The following PNPLA1 variants were observed in gnomAD, a reference collection of about 807,000 sequenced individuals.
The protein encoded by PNPLA1 is omega-hydroxyceramide transacylase.
In PNPLA1, 36 loss-of-function variants were observed where a neutral mutation model predicts 51.7. That is an observed-to-expected ratio of 0.70 (90% CI 0.53 to 0.92). PNPLA1 has a LOEUF of 0.92. PNPLA1 is among the 40% of genes least tolerant of loss of function. The pLI is 0.00. For missense variants in PNPLA1, 658 were observed against 682.5 expected, an observed-to-expected ratio of 0.96 and a Z score of 0.40; for synonymous variants, 293 against 280.1, an observed-to-expected ratio of 1.05 and a Z score of -0.46.
At chr6:36,291,579 G>GGGGGGGGGGGGGGGGGGGC in intron 2 of PNPLA1, 27 bp downstream of exon 2, 1 of 103,658 alleles carries the variant, frequency 9.6e-6, no homozygotes, top group South Asian at 1.1e-4. Context: ...GGGAGGGAGG[G>GGGGGGGGGGGGGGGGGGGC]ACACGGAGGG....
rs938858763 is a variant in PNPLA1 at position 36,251,784 on chromosome 6, AT to A, written c.-81+8532del. ...GAGAGACCCGTCTCTACAAAAAAAA[AT>A]TTTTTTTTAATTAGCCAGGTGAGGT... On this transcript the variant is annotated intron_variant, in intron 1 of 7. Transcript: ENST00000312917. Among the ~76,000 whole-genome samples, 125 of 151,744 alleles carry A rather than the reference AT, an allele frequency of 8.2e-4. 1 individual carries two copies. The highest frequency in any genetic ancestry group is 3.0e-3 in the African/African-American group (123 of 41,370).
chr6:36,302,395 C>T lies in PNPLA1; in HGVS notation c.1310C>T (p.Thr437Ile), dbSNP rs765619227. The T allele has an allele frequency of 1.3e-6, 2 of 1,591,768 alleles. No homozygotes were observed. The highest frequency in any genetic ancestry group is 1.7e-6 in the Non-Finnish European group (2 of 1,167,630). ...CCTTCAACTGTGGGGGCACCTCAAACACTGCCCCGAAGTTCTCTTTCAGCC... is the reference window on the plus strand; with the variant it reads ...CCTTCAACTGTGGGGGCACCTCAAATACTGCCCCGAAGTTCTCTTTCAGCC... ...LGPSTVGAPQ[T>I]LPRSSLSAFP... The change falls in exon 6 of 9, where the codon ACA becomes ATA. Residue 437 changes from threonine (T) to isoleucine (I), a missense_variant. By Grantham distance (89) the Thr-to-Ile change is moderately conservative. Transcript: ENST00000636260.
At chr6:36,285,567 T>C (rs2127338910) in intron 1 of PNPLA1, among the ~76,000 whole-genome samples, 1 of 152,322 alleles carries the variant, frequency 6.6e-6, no homozygotes, top group East Asian at 1.9e-4. Flanking sequence ...TGGGTCATCT[T>C]GAATAGCGAC....
At chr6:36,250,089 A>C (rs989350425) in intron 1 of PNPLA1, among the ~76,000 whole-genome samples, 3 of 152,172 alleles carry the variant, frequency 2.0e-5, no homozygotes, top group Non-Finnish European at 2.9e-5. Flanking sequence ...AACCATTCCC[A>C]GCCCCTTCCT....
intron 1 of PNPLA1, among the ~76,000 whole-genome samples, chr6:36,282,100 G>GAAAGAAAA (rs1770317725): frequency 2.6e-5 from 1 of 39,016 alleles, no homozygotes; most frequent in African/African-American, 1.0e-4. Context: ...AAGGAAGGAA[G>GAAAGAAAA]GAAGGAAGGA....
intron 7 of PNPLA1, 76 bp downstream of exon 7, chr6:36,306,452 C>A: frequency 1.5e-6 from 2 of 1,292,146 alleles, no homozygotes; most frequent in Non-Finnish European, 1.1e-6. Context: ...TATCTTCCAC[C>A]ACCTTAGCTG....
chr6:36,270,628 G>T lies in PNPLA1; in HGVS notation c.169G>T (p.Val57Leu), dbSNP rs995130703. 17 of 1,551,222 alleles carry T rather than the reference G, an allele frequency of 1.1e-5. No individual in the cohort carries two copies. The African/African-American group carries it at 2.3e-4, about 21-fold the overall frequency. ...CTTTGCGGGGACATCGGCAGGTGCT[G>T]TGATCGCCGCCCTGGCCATCTGCGG... ...HRFAGTSAGAVIAALAICGIE... is the reference protein window; with the variant it reads ...HRFAGTSAGALIAALAICGIE... The change falls in exon 1 of 9, where the codon GTG (valine) becomes TTG (leucine). Residue 57 changes from valine (V) to leucine (L), a missense_variant. Val to Leu is a conservative substitution (Grantham distance 32, BLOSUM62 1). Coordinates refer to ENST00000636260, the MANE Select transcript of PNPLA1 (RefSeq NM_001374623.1).
intron 3 of PNPLA1, 51 bp downstream of exon 3, chr6:36,293,177 G>A: frequency 6.4e-7 from 1 of 1,570,604 alleles, no homozygotes; most frequent in Non-Finnish European, 8.8e-7. Flanking sequence ...GGGACCTCGG[G>A]TCCCTGTGAC....
rs762443761 is a variant in PNPLA1, at chr6:36,293,121, G to A, written c.499G>A (p.Gly167Ser). The change falls in exon 3 of 9, where the codon GGT (glycine) becomes AGT (serine). Residue 167 changes from glycine to serine, a missense_variant. Transcript: ENST00000636260. ...TGGCCTCATCCCCCCGACTTACCGC[G>A]GTGTGGTGAGTGCTTCGGCATGGTG... ...YCGLIPPTYR[G>S]VRYIDGGFTG... 11 of 1,613,912 alleles carry A rather than the reference G, an allele frequency of 6.8e-6. No individual in the cohort carries two copies. Among genetic ancestry groups the A allele is most frequent in the Admixed American group, 3.3e-5 (2 of 60,008 alleles).
chr6:36,272,623 T>G (rs1377464706), intron 1 of PNPLA1, among the ~76,000 whole-genome samples: 2 of 151,368 alleles, frequency 1.3e-5, no homozygotes, highest in Non-Finnish European at 2.9e-5. Context: ...ATGGGCAGAG[T>G]GTGTTTGAGG....
At chr6:36,267,255 A>G (rs984335992), upstream of PNPLA1, among the ~76,000 whole-genome samples, 1 of 152,238 alleles carries the variant, frequency 6.6e-6, no homozygotes, top group African/African-American at 2.4e-5. Flanking sequence ...GTAGAGGGTC[A>G]GGAACCAGGG....
intron 1 of PNPLA1, among the ~76,000 whole-genome samples, chr6:36,287,755 A>AACACACACACACACACAC (rs57750301): frequency 6.7e-6 from 1 of 148,342 alleles, no homozygotes; most frequent in Non-Finnish European, 1.5e-5. Flanking sequence ...GACAGACAGA[A>AACACACACACACACACAC]ACACACACAC....
intron 5 of PNPLA1, among the ~76,000 whole-genome samples, 183 bp downstream of exon 5, chr6:36,295,607 G>A (rs1057387875): frequency 6.6e-6 from 1 of 152,180 alleles, no homozygotes; most frequent in Non-Finnish European, 1.5e-5. Context: ...AGACCGCTGG[G>A]TCCAGAAAGT....
At chr6:36,307,790 T>A in intron 8 of PNPLA1, 78 bp downstream of exon 8, 1 of 1,560,388 alleles carries the variant, frequency 6.4e-7, no homozygotes. Flanking sequence ...TTCCGAGGAA[T>A]AGAGGAGAGT....
intron 2 of PNPLA1, among the ~76,000 whole-genome samples, chr6:36,292,325 G>A (rs114967896): frequency 9.9e-5 from 15 of 152,174 alleles, no homozygotes; most frequent in Non-Finnish European, 1.9e-4. Context: ...TCAGCAGCCA[G>A]CTCTTCCAGA....
Position 36,291,432 on chromosome 6 carries a change from G to T in PNPLA1, c.318G>T (p.Arg106=). The T allele has an allele frequency of 6.2e-7, 1 of 1,614,100 alleles. No individual in the cohort carries two copies. Among genetic ancestry groups the T allele is most frequent in the Non-Finnish European group, 8.5e-7 (1 of 1,180,022 alleles). Residue 106 remains arginine, a synonymous_variant, in exon 2 of 9, where the codon CGG becomes CGT. Transcript: ENST00000636260. Reference sequence around the variant, plus strand: ...AGATGATGAGGCAGTTTCTGTACCGGGTCCTGCCCGAGGACTCCTACAAGG... The same window carrying T: ...AGATGATGAGGCAGTTTCTGTACCGTGTCCTGCCCGAGGACTCCTACAAGG... The part of the protein sequence containing the change: ...MVQMMRQFLY[R]VLPEDSYKVT...
At chr6:36,253,000 T>C (rs1215678233) in intron 1 of PNPLA1, among the ~76,000 whole-genome samples, 2 of 152,086 alleles carry the variant, frequency 1.3e-5, no homozygotes, top group Non-Finnish European at 2.9e-5. Flanking sequence ...GGGCAACACA[T>C]GAAACCCCAT....
At chr6:36,277,505 T>C (rs184678580) in intron 1 of PNPLA1, among the ~76,000 whole-genome samples, 5 of 152,318 alleles carry the variant, frequency 3.3e-5, no homozygotes, top group African/African-American at 1.2e-4. Context: ...GCAACAACCA[T>C]AATCAATGGC....
intron 2 of PNPLA1, 29 bp downstream of exon 2, chr6:36,291,581 C>G: frequency 2.9e-6 from 2 of 687,552 alleles, no homozygotes; most frequent in Non-Finnish European, 4.5e-6. Flanking sequence ...GAGGGAGGGA[C>G]ACGGAGGGGG....
Sources: allele counts gnomAD v4.1 joint callset (sites outside exome capture counted in the v4.1 genomes callset), GRCh38; gene constraint gnomAD v4.1.1; transcripts MANE v1.5; gene names NCBI Gene and HGNC (gene_info 2026-07-23, HGNC 2026-07-21).